Variants in FAM171A1 observed in about 807,000 individuals in gnomAD.
FAM171A1 encodes family with sequence similarity 171 member A1.
FAM171A1 carries 23 observed loss-of-function variants against 74.9 expected under a neutral mutation model. The ratio of observed to expected loss-of-function variants is 0.31; its 90% CI spans 0.22 to 0.44. FAM171A1 has a LOEUF of 0.44. Ranked by LOEUF, FAM171A1 falls within the 20% of genes least tolerant of loss-of-function variation. The pLI, the probability that FAM171A1 is intolerant of heterozygous loss-of-function variation, is 1.00. For missense variants in FAM171A1, 1,162 were observed against 1,159.2 expected (o/e 1.00, Z -0.03); for synonymous variants, 527 against 505.7 (o/e 1.04, Z -0.57).
At chr10:15,261,515 G>A (rs998118000) in intron 3 of FAM171A1, among the ~76,000 whole-genome samples, 2 of 152,170 alleles carry the variant, frequency 1.3e-5, no homozygotes, top group African/African-American at 2.4e-5. Context: ...GAAAAGGGTC[G>A]AGAAGGCAGT....
At chr10:15,352,917 C>A (rs1027020934) in intron 1 of FAM171A1, among the ~76,000 whole-genome samples, 2 of 152,186 alleles carry the variant, frequency 1.3e-5, no homozygotes, top group Non-Finnish European at 2.9e-5. Context: ...GCTGTGTGCA[C>A]ATGAAGTCAC....
intron 5 of FAM171A1, among the ~76,000 whole-genome samples, chr10:15,242,649 G>A (rs1834377229): frequency 6.6e-6 from 1 of 152,202 alleles, no homozygotes; most frequent in Non-Finnish European, 1.5e-5. Flanking sequence ...AAATTAGCCA[G>A]GTGTGGTGGT....
At chr10:15,297,044 G>T (rs555651247) in intron 1 of FAM171A1, among the ~76,000 whole-genome samples, 4 of 152,040 alleles carry the variant, frequency 2.6e-5, no homozygotes, top group African/African-American at 9.6e-5. Flanking sequence ...TCTGAAGGGC[G>T]TGTATTAGAG....
Position 15,284,122 on chromosome 10 carries a change from C to G in FAM171A1, c.98-17G>C. ...ACGTCACCTCTGGAGGTAGAGAAAG[C>G]ACAAAGAACAGCTACTGTCAATGGG... On this transcript the variant is annotated splice_polypyrimidine_tract_variant and intron_variant, in intron 1 of 7. Transcript: ENST00000378116. 1 of 1,608,714 alleles carries G rather than the reference C, an allele frequency of 6.2e-7. No individual in the cohort carries two copies. The highest frequency in any genetic ancestry group is 1.3e-5 in the African/African-American group (1 of 74,938).
intron 3 of FAM171A1, among the ~76,000 whole-genome samples, chr10:15,263,733 A>ATCTATCTATCTATCTATCTG (rs1357362936): frequency 6.1e-5 from 8 of 131,744 alleles, no homozygotes; most frequent in Non-Finnish European, 9.9e-5. Context: ...CTATCTATCT[A>ATCTATCTATCTATCTATCTG]TCTGTCTGTC....
At chr10:15,222,606 G>A (rs867463153) in intron 5 of FAM171A1, among the ~76,000 whole-genome samples, 3 of 152,180 alleles carry the variant, frequency 2.0e-5, no homozygotes, top group South Asian at 4.1e-4. Flanking sequence ...TGCTTGCCTT[G>A]CTTAGCTACA....
At chr10:15,341,639 G>C (rs982627037) in intron 1 of FAM171A1, among the ~76,000 whole-genome samples, 1 of 152,210 alleles carries the variant, frequency 6.6e-6, no homozygotes, top group Non-Finnish European at 1.5e-5. Flanking sequence ...AAGTATCAGA[G>C]AGGGAAAAGT....
At chr10:15,368,358 GT>G (rs1410924182) in intron 1 of FAM171A1, among the ~76,000 whole-genome samples, 1 of 152,202 alleles carries the variant, frequency 6.6e-6, no homozygotes, top group Non-Finnish European at 1.5e-5. Context: ...TCAAAAAGGT[GT>G]CATTTAGTTC....
intron 3 of FAM171A1, among the ~76,000 whole-genome samples, chr10:15,256,659 T>A (rs944704479): frequency 2.0e-5 from 3 of 152,220 alleles, no homozygotes; most frequent in African/African-American, 7.2e-5. Context: ...TCTGGGTATT[T>A]TAACATTATT....
chr10:15,236,964 T>G (rs1834299255), intron 5 of FAM171A1, among the ~76,000 whole-genome samples: 1 of 151,938 alleles, frequency 6.6e-6, no homozygotes, highest in South Asian at 2.1e-4. Flanking sequence ...GTGGTGGCAC[T>G]TGCCTGTAGT....
chr10:15,273,742 A>G (rs1023822838), intron 3 of FAM171A1, among the ~76,000 whole-genome samples: 1 of 152,238 alleles, frequency 6.6e-6, no homozygotes, highest in Non-Finnish European at 1.5e-5. Flanking sequence ...ACGCAAATCA[A>G]TAAATGTAAT....
intron 1 of FAM171A1, among the ~76,000 whole-genome samples, chr10:15,355,885 AT>A (rs1006075936): frequency 6.6e-6 from 1 of 152,040 alleles, no homozygotes; most frequent in Admixed American, 6.6e-5. Context: ...ACACACACAC[AT>A]GCATGTATAC....
At chr10:15,333,244 A>C (rs1251449812) in intron 1 of FAM171A1, among the ~76,000 whole-genome samples, 2 of 152,240 alleles carry the variant, frequency 1.3e-5, no homozygotes, top group Non-Finnish European at 2.9e-5. Flanking sequence ...CTGTAATCCC[A>C]GTACTTTGGG....
intron 5 of FAM171A1, among the ~76,000 whole-genome samples, chr10:15,224,289 G>T (rs1478512933): frequency 6.6e-6 from 1 of 152,192 alleles, no homozygotes; most frequent in Non-Finnish European, 1.5e-5. Context: ...GACATGTGAA[G>T]ATGGAAGTGG....
chr10:15,271,381 A>G (rs1339286146), intron 3 of FAM171A1, among the ~76,000 whole-genome samples: 3 of 152,248 alleles, frequency 2.0e-5, no homozygotes, highest in Non-Finnish European at 4.4e-5. Context: ...ATATGGGACT[A>G]TGTGAAAAGA....
intron 5 of FAM171A1, among the ~76,000 whole-genome samples, chr10:15,239,342 C>T (rs1446737645): frequency 6.6e-6 from 1 of 151,784 alleles, no homozygotes; most frequent in African/African-American, 2.4e-5. Context: ...CTCACTCTGT[C>T]GCCCAGGCTG....
At chr10:15,226,391 G>T (rs189828424) in intron 5 of FAM171A1, among the ~76,000 whole-genome samples, 1 of 152,186 alleles carries the variant, frequency 6.6e-6, no homozygotes. Context: ...ATCATTGATT[G>T]TTACATAGTT....
intron 1 of FAM171A1, among the ~76,000 whole-genome samples, chr10:15,351,658 TGCAC>T (rs1219940470): frequency 2.0e-5 from 3 of 150,552 alleles, no homozygotes; most frequent in Non-Finnish European, 3.0e-5. Context: ...GATGGATGCA[TGCAC>T]GGATGCATGG....
At position 15,275,926 on chromosome 10, in the gene FAM171A1, C is replaced by T. The variant is rs1834887637; in HGVS notation, c.347G>A (p.Gly116Asp). The T allele has an allele frequency of 6.2e-7, 1 of 1,612,110 alleles. No homozygotes were observed. The highest frequency in any genetic ancestry group is 1.7e-4 in the Middle Eastern group (1 of 6,050). ...AGTGGCAGAGCGTTCTGGAAGCAGG[C>T]CAAGGCTCAGAGAGGAAAATACTGC... is the stretch of plus-strand genomic sequence containing the variant. ...RLPVFSSLSL[G>D]LLPERSATLM... Residue 116 changes from glycine to aspartate, a missense_variant, in exon 3 of 8, where the codon GGC becomes GAC. Coordinates refer to ENST00000378116, the MANE Select transcript of FAM171A1 (RefSeq NM_001010924.2).
Sources: gnomAD v4.1 joint callset for allele counts (sites outside exome capture counted in the v4.1 genomes callset) on GRCh38, gnomAD v4.1.1 for gene constraint, MANE v1.5 for transcripts, NCBI Gene and HGNC (gene_info 2026-07-23, HGNC 2026-07-21) for gene names.